CEP44: variants seen among roughly 807,000 people sequenced by gnomAD.
The protein encoded by CEP44 is centrosomal protein 44, also known as centrosomal protein of 44 kDa.
In CEP44, 45 loss-of-function variants were observed where a neutral mutation model predicts 46.7. That is an observed-to-expected ratio of 0.96 (90% CI 0.76 to 1.24). The LOEUF (loss-of-function observed/expected upper bound fraction) is 1.24. CEP44 is among the 50% of genes most tolerant of loss of function. The pLI, the probability that CEP44 is intolerant of heterozygous loss-of-function variation, is 0.00. For missense variants in CEP44, 475 were observed against 459.7 expected (o/e 1.03, Z -0.30); for synonymous variants, 142 against 146.0 (o/e 0.97, Z 0.20).
At chr4:174,284,328 T>A (rs1421962551) in intron 1 of CEP44, 1 of 338,442 alleles carries the variant, frequency 3.0e-6, no homozygotes, top group Non-Finnish European at 5.3e-6. Flanking sequence ...CACAACGAAG[T>A]GGGAAGTATC....
Position 174,303,750 on chromosome 4 carries a change from G to T in CEP44, c.285G>T (p.Gln95His). The T allele has an allele frequency of 1.3e-6, 2 of 1,564,602 alleles. No individual in the cohort carries two copies. The highest frequency in any genetic ancestry group is 1.7e-6 in the Non-Finnish European group (2 of 1,142,856). ...FNYKPILTKK[Q>H]FIQCGFAEWK... ...ATAAACCAATTTTGACAAAAAAGCA[G>T]TTTATCCAATGTGGGTTTGCAGAAT... Residue 95 changes from glutamine to histidine, a missense_variant, in exon 5 of 12, where the codon CAG (glutamine) becomes CAT (histidine). Transcript: ENST00000503780.
In CEP44 at chr4:174,320,182, AAGTT is replaced by A; in HGVS notation, c.*2802_*2805del. The A allele has an allele frequency of 1.0e-6, 1 of 985,232 alleles. No individual in the cohort carries two copies. The highest frequency in any genetic ancestry group is 1.2e-6 in the Non-Finnish European group (1 of 829,794). The allele number at this position is 985,232 out of a possible 1,614,324, so 61.0% of individuals were successfully genotyped here. A position where few individuals can be genotyped will look rare whatever the true frequency, so the allele number is the denominator to read the frequency against. ...ATACTAGTCAGAAAGGGTTCAGAAG[AAGTT>A]AGCATCAACTGTATGAAAATTCTAG... On this transcript the variant is annotated 3_prime_UTR_variant, in exon 12 of 12. Transcript: ENST00000503780.
rs1358719821 is a variant in CEP44, at chr4:174,320,088, CTA to C, written c.*2707_*2708del. The C allele has an allele frequency of 4.1e-6, 4 of 984,666 alleles. No homozygotes were observed. Among genetic ancestry groups the C allele is most frequent in the Middle Eastern group, 1.0e-3 (2 of 1,936 alleles). 61.0% of individuals were successfully genotyped at this position (984,666 alleles called of 1,614,324 possible). On this transcript the variant is annotated 3_prime_UTR_variant, in exon 12 of 12. Transcript: ENST00000503780. ...GTGTCAGTTGCTTGTGCTGCCCTGTCTATGTTATGCTCTGAATAGGTCTCGGT... is the reference window on the plus strand; with the variant it reads ...GTGTCAGTTGCTTGTGCTGCCCTGTCTGTTATGCTCTGAATAGGTCTCGGT...
intron 1 of CEP44, among the ~76,000 whole-genome samples, chr4:174,295,447 G>A (rs1287763335): frequency 5.3e-5 from 8 of 150,786 alleles, no homozygotes; most frequent in South Asian, 2.1e-4. Flanking sequence ...AGGAAGAGGC[G>A]CTCCTCACTT....
upstream of CEP44, chr4:174,283,889 G>T: frequency 2.5e-6 from 1 of 398,994 alleles, no homozygotes; most frequent in Non-Finnish European, 4.4e-6. The surrounding 1 kb of genome is among the most constrained non-coding windows in gnomAD (Gnocchi z 6.7). Context: ...TGTGGAATCG[G>T]CAGCGAGGAA....
chr4:174,310,747 T>C lies in CEP44; in HGVS notation c.886-36T>C, dbSNP rs1418399628. 4.0e-6 allele frequency: 4 copies of C among 996,578 alleles called. No individual in the cohort carries two copies. Among genetic ancestry groups the C allele is most frequent in the Non-Finnish European group, 6.2e-6 (4 of 648,086 alleles). The allele number at this position is 996,578 out of a possible 1,614,324, so 61.7% of individuals were successfully genotyped here. A position where few individuals can be genotyped will look rare whatever the true frequency, so the allele number is the denominator to read the frequency against. On this transcript the variant is annotated intron_variant, in intron 8 of 11. Transcript: ENST00000503780. This position sits in a 1 kb window ranked among gnomAD's most constrained non-coding sequence, Gnocchi z 4.2. ...ATATAAAATGAGAGGGTTTTTCTTT[T>C]TATTTCATTCTAAATATTTAACTGT...
chr4:174,322,519 A>G (rs1742389575), downstream of CEP44, among the ~76,000 whole-genome samples: 1 of 152,056 alleles, frequency 6.6e-6, no homozygotes, highest in Non-Finnish European at 1.5e-5. Flanking sequence ...ATTTTTCTTC[A>G]TTTCGGTTTG....
chr4:174,292,797 GTTTA>G (rs1233262761), intron 1 of CEP44, among the ~76,000 whole-genome samples: 3 of 152,012 alleles, frequency 2.0e-5, no homozygotes, highest in Admixed American at 6.6e-5. Context: ...ATCTGGGTTT[GTTTA>G]TTTGTTTGTT....
chr4:174,315,840 C>CAAAAAA (rs58586936), intron 9 of CEP44, among the ~76,000 whole-genome samples: 2 of 95,766 alleles, frequency 2.1e-5, no homozygotes, highest in Admixed American at 1.1e-4. Context: ...GACTCCGTCT[C>CAAAAAA]AAAAAAAAAA....
At chr4:174,303,003 A>G (rs1161548257) in intron 4 of CEP44, among the ~76,000 whole-genome samples, 1 of 152,054 alleles carries the variant, frequency 6.6e-6, no homozygotes, top group Non-Finnish European at 1.5e-5. Flanking sequence ...GATGGTCTCG[A>G]TCTCCTGACC....
exon 9 of CEP44, chr4:174,333,105 T>TA (rs1433067791): frequency 3.3e-5 from 5 of 152,070 alleles, no homozygotes; most frequent in Non-Finnish European, 5.9e-5. Flanking sequence ...GTGGGCATTT[T>TA]CAGAAAAATG....
rs1362435597 is a variant in CEP44 at position 174,288,782 on chromosome 4, G to A, written c.-148+4839G>A. Among the ~76,000 whole-genome samples the A allele has an allele frequency of 1.3e-5, 2 of 152,000 alleles. No individual in the cohort carries two copies. Among genetic ancestry groups the A allele is most frequent in the East Asian group, 1.9e-4 (1 of 5,176 alleles). On this transcript the variant is annotated intron_variant, in intron 1 of 11. Transcript: ENST00000503780. The surrounding 1 kb of genome is among the most constrained non-coding windows in gnomAD (Gnocchi z 4.6). ...TTCTGGCTAGGACTTAAAATACTAC[G>A]CTGAATAGGAGAGGCTAAAGTAGGC... is the stretch of plus-strand genomic sequence containing the variant.
chr4:174,330,956 G>A (rs998502772), intron 8 of CEP44, among the ~76,000 whole-genome samples: 9 of 152,044 alleles, frequency 5.9e-5, no homozygotes, highest in African/African-American at 1.7e-4. Context: ...AAAGTACCAT[G>A]GTAAACATAT....
downstream of CEP44, among the ~76,000 whole-genome samples, chr4:174,321,367 T>C (rs1742305065): frequency 6.6e-6 from 1 of 152,160 alleles, no homozygotes; most frequent in Non-Finnish European, 1.5e-5. Flanking sequence ...GTTAGCGTTT[T>C]AGGGTTTTGA....
intron 6 of CEP44, among the ~76,000 whole-genome samples, chr4:174,305,708 A>G (rs1740309689): frequency 6.6e-6 from 1 of 152,182 alleles, no homozygotes; most frequent in South Asian, 2.1e-4. Context: ...ATTCTTCCCC[A>G]ACTAGAAGGA....
rs1203205933 is a variant in CEP44, at chr4:174,311,885, G to C, written c.961+1027G>C. Among the ~76,000 whole-genome samples, 1 of 152,180 alleles carries C rather than the reference G, an allele frequency of 6.6e-6. No homozygotes were observed. Among genetic ancestry groups the C allele is most frequent in the Admixed American group, 6.5e-5 (1 of 15,278 alleles). On this transcript the variant is annotated intron_variant, in intron 9 of 11. Transcript: ENST00000503780. This position sits in a 1 kb window ranked among gnomAD's most constrained non-coding sequence, Gnocchi z 4.4. ...ACAATTTCAGTGATTAGCTTGTTAA[G>C]TATAATTATTTGAGATGCTATTTAA...
rs909394008 is a variant in CEP44 at position 174,312,928 on chromosome 4, A to G, written c.961+2070A>G. Reference sequence around the variant, plus strand: ...TCAGGAATACAGTGTTCCATGGGGAATTGTAAGGCACCTTAATGTCTTGGT... The same window carrying G: ...TCAGGAATACAGTGTTCCATGGGGAGTTGTAAGGCACCTTAATGTCTTGGT... On this transcript the variant is annotated intron_variant, in intron 9 of 11. Transcript: ENST00000503780. The surrounding 1 kb of genome is among the most constrained non-coding windows in gnomAD (Gnocchi z 4.5). Among the ~76,000 whole-genome samples, 2 of 152,116 alleles carry G rather than the reference A, an allele frequency of 1.3e-5. No homozygotes were observed. The highest frequency in any genetic ancestry group is 4.8e-5 in the African/African-American group (2 of 41,432).
chr4:174,316,050 CGGATAGCCATTTT>C, intron 9 of CEP44, 103 bp from the exon 10 acceptor site: 1 of 1,258,002 alleles, frequency 7.9e-7, no homozygotes, highest in Non-Finnish European at 1.1e-6. Context: ...TTGATCTATG[CGGATAGCCATTTT>C]TAATTAAAAT....
chr4:174,309,190 T>G lies in CEP44; in HGVS notation c.678+331T>G, dbSNP rs2126631566. On this transcript the variant is annotated intron_variant, in intron 7 of 11. Coordinates refer to ENST00000503780, the MANE Select transcript of CEP44 (RefSeq NM_001040157.3). The surrounding 1 kb of genome is among the most constrained non-coding windows in gnomAD (Gnocchi z 5.3). ...GTTCTCTACCACCTATTTTCTTTAT[T>G]GGTGAATGGAAAAGATTGGCACTTT... Among the ~76,000 whole-genome samples, 1 of 152,204 alleles carries G rather than the reference T, an allele frequency of 6.6e-6. No individual in the cohort carries two copies. The highest frequency in any genetic ancestry group is 2.1e-4 in the South Asian group (1 of 4,828).
Sources: gnomAD v4.1 joint callset for allele counts (sites outside exome capture counted in the v4.1 genomes callset) on GRCh38, gnomAD v4.1.1 for gene constraint, Gnocchi (gnomAD v3.1) non-coding constraint, MANE v1.5 for transcripts, NCBI Gene and HGNC (gene_info 2026-07-23, HGNC 2026-07-21) for gene names.